The following RIPOR2 variants were observed in gnomAD, a reference collection of about 807,000 sequenced individuals.
RIPOR2 encodes the protein rho family-interacting cell polarization regulator 2.
A neutral mutation model predicts 114.5 loss-of-function variants in RIPOR2; 39 were observed. The ratio of observed to expected loss-of-function variants is 0.34; its 90% confidence interval spans 0.26 to 0.44. The LOEUF (loss-of-function observed/expected upper bound fraction) is 0.44. Among genes scored for constraint, RIPOR2 ranks in the 20% least tolerant of loss-of-function variants. The probability of loss-of-function intolerance (pLI) is 1.00; values close to 1 mark genes in which losing one functional copy is unlikely to be tolerated. For missense variants in RIPOR2, 1,007 were observed against 1,255.1 expected (o/e 0.80, Z 2.99); for synonymous variants, 445 against 484.4 (o/e 0.92, Z 1.07).
chr6:24,935,503 G>A (rs1345473026), intron 1 of RIPOR2, among the ~76,000 whole-genome samples: 1 of 152,112 alleles, frequency 6.6e-6, no homozygotes, highest in Non-Finnish European at 1.5e-5. Context: ...AAACCACTGT[G>A]ACAGGCTTTC....
intron 1 of RIPOR2, among the ~76,000 whole-genome samples, chr6:25,004,102 C>T (rs940723447): frequency 1.3e-5 from 2 of 152,080 alleles, no homozygotes; most frequent in South Asian, 2.1e-4. Context: ...ATGGTTGTGA[C>T]ATGTTCATTG....
At chr6:24,810,161 C>T (rs10946729) in intron 20 of RIPOR2, among the ~76,000 whole-genome samples, 113,402 of 152,062 alleles carry the variant, frequency 0.75, 44,443 homozygotes, top group East Asian at 0.88. Flanking sequence ...AACCACTTTA[C>T]CTATGGGGTC....
intron 11 of RIPOR2, among the ~76,000 whole-genome samples, chr6:24,848,541 C>T (rs562218286): frequency 4.6e-5 from 7 of 152,232 alleles, no homozygotes; most frequent in Admixed American, 6.5e-5. Flanking sequence ...TATAAGACAT[C>T]GACAGACTAT....
intron 1 of RIPOR2, among the ~76,000 whole-genome samples, chr6:24,900,502 T>C (rs923950734): frequency 7.9e-5 from 12 of 152,078 alleles, no homozygotes; most frequent in African/African-American, 2.9e-4. Context: ...CTCCCACCTG[T>C]AATCCCAGCA....
intron 1 of RIPOR2, among the ~76,000 whole-genome samples, chr6:24,932,987 CAGA>C (rs199698270): frequency 0.016 from 2,367 of 152,222 alleles, 27 homozygotes; most frequent in South Asian, 0.034. Flanking sequence ...CCCCTTGTTT[CAGA>C]AGAAGAATGA....
intron 21 of RIPOR2, among the ~76,000 whole-genome samples, chr6:24,808,732 ATTAT>A (rs1384820207): frequency 6.7e-6 from 1 of 149,982 alleles, no homozygotes; most frequent in East Asian, 1.9e-4. Flanking sequence ...TTGAAGTAAA[ATTAT>A]TTATAATAAT....
chr6:24,829,133 C>T (rs1036947793), intron 17 of RIPOR2, among the ~76,000 whole-genome samples: 2 of 151,730 alleles, frequency 1.3e-5, no homozygotes, highest in African/African-American at 2.4e-5. Flanking sequence ...GGCAACATGG[C>T]GGAACCCTGT....
chr6:24,880,081 T>C (rs1373576436), intron 1 of RIPOR2, among the ~76,000 whole-genome samples: 1 of 152,214 alleles, frequency 6.6e-6, no homozygotes, highest in Non-Finnish European at 1.5e-5. Context: ...AATTTGGCAG[T>C]ATCTGTTTAA....
At chr6:24,870,911 C>A (rs1313130788) in intron 4 of RIPOR2, 22 bp from the exon 5 acceptor site, 4 of 1,548,258 alleles carry the variant, frequency 2.6e-6, no homozygotes, top group Non-Finnish European at 2.6e-6. Flanking sequence ...AAAGGAATAT[C>A]TGCATTTAAA....
chr6:24,940,967 T>C (rs1413943184), intron 1 of RIPOR2, among the ~76,000 whole-genome samples: 1 of 152,180 alleles, frequency 6.6e-6, no homozygotes, highest in Non-Finnish European at 1.5e-5. Flanking sequence ...ACATGATTTT[T>C]AATAGTATTC....
chr6:25,023,498 T>C, intron 1 of RIPOR2: 1 of 769,960 alleles, frequency 1.3e-6, no homozygotes, highest in Non-Finnish European at 2.4e-6. Context: ...GCGGACAAAT[T>C]CACACTCAGG....
At chr6:24,840,082 T>G (rs1761536454) in intron 13 of RIPOR2, 1 of 712,956 alleles carries the variant, frequency 1.4e-6, no homozygotes, top group African/African-American at 1.9e-5. Flanking sequence ...CCCAGGTAGC[T>G]GAGACCACAG....
chr6:24,839,719 C>T, intron 13 of RIPOR2: 1 of 1,456,394 alleles, frequency 6.9e-7, no homozygotes, highest in Non-Finnish European at 9.0e-7. Flanking sequence ...AGTGCTCACC[C>T]CAAAATAAAA....
Position 25,021,923 on chromosome 6 carries a change from T to C in RIPOR2, c.76+19928A>G, listed in dbSNP as rs1237221718. On this transcript the variant is annotated intron_variant, in intron 1 of 13. Coordinates refer to the RIPOR2 transcript ENST00000510784. ...CCAGATTGAAATCCACCCTATTACA[T>C]GAAACATTCCTAAATTCCTTAATGC... Among the ~76,000 whole-genome samples the C allele has an allele frequency of 5.9e-5, 9 of 152,314 alleles. No homozygotes were observed. In the East Asian group the frequency reaches 1.7e-3, roughly 29 times the overall value.
chr6:24,900,151 T>C (rs1238513007), intron 1 of RIPOR2, among the ~76,000 whole-genome samples: 1 of 152,172 alleles, frequency 6.6e-6, no homozygotes, highest in Non-Finnish European at 1.5e-5. Flanking sequence ...ACTCGGGCTT[T>C]TTGAACATGC....
At chr6:24,970,762 G>T (rs1301182784) in intron 1 of RIPOR2, among the ~76,000 whole-genome samples, 1 of 152,136 alleles carries the variant, frequency 6.6e-6, no homozygotes, top group Non-Finnish European at 1.5e-5. Context: ...TCAATAAAAG[G>T]CAAAATTAAA....
Position 25,022,425 on chromosome 6 carries a change from A to C in RIPOR2, c.76+19426T>G, listed in dbSNP as rs534861591. Among the ~76,000 whole-genome samples the C allele has an allele frequency of 4.0e-5, 6 of 151,692 alleles. No individual in the cohort carries two copies. The South Asian group carries it at 1.2e-3, about 32-fold the overall frequency. On this transcript the variant is annotated intron_variant, in intron 1 of 13. Transcript: ENST00000510784. ...GTTCATTCATTTTTATTGCTGAGTC[A>C]TATCTCATTGTATGGATATACCTAC... is the stretch of plus-strand genomic sequence containing the variant.
At chr6:24,843,616 GTTTATTTCCAGACAGAA>G (rs1761960247) in intron 12 of RIPOR2, 62 bp from the exon 13 acceptor site, 1 of 1,229,674 alleles carries the variant, frequency 8.1e-7, no homozygotes, top group South Asian at 1.7e-5. Context: ...GCTTGGCATG[GTTTATTTCCAGACAGAA>G]TATAAGGCAA....
intron 1 of RIPOR2, among the ~76,000 whole-genome samples, chr6:24,951,106 A>G (rs1239855480): frequency 6.6e-6 from 1 of 152,218 alleles, no homozygotes; most frequent in African/African-American, 2.4e-5. Flanking sequence ...GAGACTTTAG[A>G]AGTTCATATC....
Sources: gnomAD v4.1 joint callset for allele counts (sites outside exome capture counted in the v4.1 genomes callset) on GRCh38, gnomAD v4.1.1 for gene constraint, MANE v1.5 for transcripts, NCBI Gene and HGNC (gene_info 2026-07-23, HGNC 2026-07-21) for gene names.